Variants in COL19A1 observed in about 807,000 individuals in gnomAD.
COL19A1 encodes the protein collagen alpha-1(XIX) chain.
A neutral mutation model predicts 190.2 loss-of-function variants in COL19A1; 159 were observed. That is an observed-to-expected ratio of 0.84 (90% CI 0.73 to 0.95). COL19A1 has a LOEUF of 0.95. Among genes scored for constraint, COL19A1 ranks in the 40% least tolerant of loss-of-function variants. The pLI is 0.00. For synonymous variants in COL19A1, 509 were observed against 458.9 expected, an observed-to-expected ratio of 1.11 and a Z score of -1.39; for missense variants, 1,418 against 1,431.9, an observed-to-expected ratio of 0.99 and a Z score of 0.16.
intron 11 of COL19A1, among the ~76,000 whole-genome samples, chr6:70,001,828 T>C (rs1562077117): frequency 6.6e-6 from 1 of 152,190 alleles, no homozygotes. Context: ...AAATTTGACT[T>C]CCTCTCTTCC....
chr6:70,006,418 G>T (rs1445555879), intron 11 of COL19A1, among the ~76,000 whole-genome samples: 2 of 152,132 alleles, frequency 1.3e-5, no homozygotes, highest in African/African-American at 4.8e-5. Flanking sequence ...TGGCTCTCAG[G>T]TGGGCTGCTG....
rs574622943 is a variant in COL19A1 at position 70,088,283 on chromosome 6, T to C, written c.1225-13886T>C. ...CAGGTATGTTTTTATTCCTTTTTTTTCCCTAAGGTAGAAATTGCTCAGGCT... is the reference window on the plus strand; with the variant it reads ...CAGGTATGTTTTTATTCCTTTTTTTCCCCTAAGGTAGAAATTGCTCAGGCT... On this transcript the variant is annotated intron_variant, in intron 15 of 50. Transcript: ENST00000620364. Among the ~76,000 whole-genome samples the C allele has an allele frequency of 7.2e-5, 11 of 152,278 alleles. No individual in the cohort carries two copies. The South Asian group carries it at 1.2e-3, about 17-fold the overall frequency.
chr6:69,928,512 A>G (rs547441839), intron 5 of COL19A1, among the ~76,000 whole-genome samples: 2 of 152,080 alleles, frequency 1.3e-5, no homozygotes, highest in Non-Finnish European at 1.5e-5. Context: ...TGACAAGAAA[A>G]GAGATCTGAA....
chr6:70,114,438 T>C (rs1430312738), intron 16 of COL19A1, among the ~76,000 whole-genome samples: 1 of 152,208 alleles, frequency 6.6e-6, no homozygotes, highest in Non-Finnish European at 1.5e-5. Context: ...TAGTCTTTTG[T>C]TATGTGTAAA....
chr6:70,081,659 A>G (rs1183157266), intron 15 of COL19A1, among the ~76,000 whole-genome samples: 1 of 152,204 alleles, frequency 6.6e-6, no homozygotes, highest in African/African-American at 2.4e-5. Flanking sequence ...AAAGATTAAT[A>G]TGTTAATTTG....
At chr6:69,921,544 A>G (rs1326845597) in intron 4 of COL19A1, among the ~76,000 whole-genome samples, 18 of 137,952 alleles carry the variant, frequency 1.3e-4, no homozygotes, top group Admixed American at 1.1e-3. Context: ...GTATATTCAT[A>G]TATATTCATA....
chr6:70,195,339 G>A (rs1206984325), intron 48 of COL19A1, among the ~76,000 whole-genome samples: 1 of 152,058 alleles, frequency 6.6e-6, no homozygotes, highest in East Asian at 1.9e-4. Flanking sequence ...AAAGTTGTGA[G>A]CGAACAGTGG....
intron 14 of COL19A1, 49 bp from the exon 15 acceptor site, chr6:70,068,374 C>A: frequency 9.2e-7 from 1 of 1,085,650 alleles, no homozygotes; most frequent in Non-Finnish European, 1.4e-6. Flanking sequence ...CTTTGTGAGG[C>A]AGGTGTACTT....
At chr6:70,115,201 T>C (rs571638309) in intron 16 of COL19A1, among the ~76,000 whole-genome samples, 1 of 152,308 alleles carries the variant, frequency 6.6e-6, no homozygotes, top group African/African-American at 2.4e-5. Flanking sequence ...TCCTTTCCTG[T>C]CCTACCCGCC....
intron 45 of COL19A1, 59 bp from the exon 46 acceptor site, chr6:70,184,812 A>T: frequency 6.2e-7 from 1 of 1,606,934 alleles, no homozygotes; most frequent in Non-Finnish European, 8.5e-7. Flanking sequence ...ATTTACATCA[A>T]TCAGACTGAT....
At chr6:70,049,233 C>A (rs996108894) in intron 14 of COL19A1, among the ~76,000 whole-genome samples, 10 of 151,854 alleles carry the variant, frequency 6.6e-5, no homozygotes, top group African/African-American at 2.4e-4. Flanking sequence ...AGTAATCCAA[C>A]TTAGTATTGG....
intron 8 of COL19A1, among the ~76,000 whole-genome samples, chr6:69,937,780 C>G (rs1773205100): frequency 6.6e-6 from 1 of 152,080 alleles, no homozygotes; most frequent in South Asian, 2.1e-4. Flanking sequence ...CATAGAGAAA[C>G]AGCTTGTGTT....
chr6:70,063,988 G>T (rs1365246263), intron 14 of COL19A1, among the ~76,000 whole-genome samples: 1 of 152,066 alleles, frequency 6.6e-6, no homozygotes, highest in Non-Finnish European at 1.5e-5. Context: ...ATAATTAATA[G>T]CTTACCAACC....
chr6:69,972,543 T>C (rs1394958789), intron 11 of COL19A1, among the ~76,000 whole-genome samples: 1 of 152,218 alleles, frequency 6.6e-6, no homozygotes, highest in African/African-American at 2.4e-5. Context: ...TATTTAATAA[T>C]TATTATCTTG....
intron 35 of COL19A1, 24 bp from the exon 36 acceptor site, chr6:70,163,319 C>A: frequency 6.2e-7 from 1 of 1,607,926 alleles, no homozygotes; most frequent in East Asian, 2.3e-5. Flanking sequence ...GTTTCTGTAA[C>A]AAACTTAGTT....
intron 11 of COL19A1, among the ~76,000 whole-genome samples, chr6:69,987,421 A>G (rs1346611533): frequency 1.3e-5 from 2 of 152,228 alleles, no homozygotes; most frequent in Non-Finnish European, 2.9e-5. Context: ...ACATACGGCT[A>G]TACTGAAGGA....
chr6:69,941,183 G>T (rs1773444140), intron 9 of COL19A1, among the ~76,000 whole-genome samples: 1 of 152,124 alleles, frequency 6.6e-6, no homozygotes, highest in Non-Finnish European at 1.5e-5. Flanking sequence ...CAGTATGTTG[G>T]AAAGAGTACC....
At chr6:69,907,331 T>C (rs1047615184) in intron 4 of COL19A1, among the ~76,000 whole-genome samples, 1 of 151,966 alleles carries the variant, frequency 6.6e-6, no homozygotes, top group East Asian at 1.9e-4. Context: ...GGTTTCACCA[T>C]GTCAGCCAGG....
At chr6:70,004,511 A>G (rs78661510) in intron 11 of COL19A1, among the ~76,000 whole-genome samples, 1,617 of 152,240 alleles carry the variant, frequency 0.011, 19 homozygotes, top group African/African-American at 0.037. Flanking sequence ...AGGTACTCCA[A>G]TCAATCGTAG....
Sources: gnomAD v4.1 joint callset for allele counts (sites outside exome capture counted in the v4.1 genomes callset) on GRCh38, gnomAD v4.1.1 for gene constraint, MANE v1.5 for transcripts, NCBI Gene and HGNC (gene_info 2026-07-23, HGNC 2026-07-21) for gene names.